TRAPPC8: variants seen among roughly 807,000 people sequenced by gnomAD.
TRAPPC8 encodes the protein trafficking protein particle complex subunit 8, also known as general sporulation gene 1 homolog.
A neutral mutation model predicts 174.3 loss-of-function variants in TRAPPC8; 54 were observed. The ratio of observed to expected loss-of-function variants is 0.31; its 90% CI spans 0.25 to 0.39. The LOEUF (loss-of-function observed/expected upper bound fraction) is 0.39. TRAPPC8 is among the 10% of genes least tolerant of loss of function. The pLI, the probability that TRAPPC8 is intolerant of heterozygous loss-of-function variation, is 1.00. For missense variants in TRAPPC8, 1,531 were observed against 1,699.1 expected, an observed-to-expected ratio of 0.90 and a Z score of 1.74; for synonymous variants, 630 against 579.9, an observed-to-expected ratio of 1.09 and a Z score of -1.24.
At chr18:31,860,097 G>A (rs375478325) in intron 19 of TRAPPC8, among the ~76,000 whole-genome samples, 16 of 151,736 alleles carry the variant, frequency 1.1e-4, no homozygotes, top group African/African-American at 3.1e-4. Flanking sequence ...GTTGATATTT[G>A]TGATAGCTTC....
At chr18:31,883,999 T>G (rs949881407) in intron 12 of TRAPPC8, among the ~76,000 whole-genome samples, 2 of 151,996 alleles carry the variant, frequency 1.3e-5, no homozygotes, top group South Asian at 4.2e-4. Context: ...GACCAGCCTG[T>G]CCAACATGGT....
At chr18:31,901,130 G>A in intron 9 of TRAPPC8, 105 bp from the exon 10 acceptor site, 1 of 860,864 alleles carries the variant, frequency 1.2e-6, no homozygotes, top group African/African-American at 1.8e-5. Context: ...TTTTTTAACT[G>A]GATACACATG....
chr18:31,871,133 T>G lies in TRAPPC8; in HGVS notation c.2063-13A>C. On this transcript the variant is annotated splice_polypyrimidine_tract_variant and intron_variant, in intron 14 of 28. Coordinates refer to ENST00000283351, the MANE Select transcript of TRAPPC8 (RefSeq NM_014939.5). ...GCTTGTTTTTCACCTAAAAAAAATT[T>G]GTTAACAACACGTTTATGAAGACTT... 6.7e-7 allele frequency: 1 copy of G among 1,502,800 alleles called. No homozygotes were observed. Among genetic ancestry groups the G allele is most frequent in the Non-Finnish European group, 9.0e-7 (1 of 1,113,830 alleles). 93.1% of individuals were successfully genotyped at this position (1,502,800 alleles called of 1,614,324 possible). A position where few individuals can be genotyped will look rare whatever the true frequency, so the allele number is the denominator to read the frequency against.
Position 31,900,944 on chromosome 18 carries a change from T to C in TRAPPC8, c.1471A>G (p.Thr491Ala). 1 of 1,595,588 alleles carries C rather than the reference T, an allele frequency of 6.3e-7. No homozygotes were observed. Among genetic ancestry groups the C allele is most frequent in the Middle Eastern group, 1.7e-4 (1 of 6,006 alleles). ...PAHYMDTAIQ[T>A]YRDICKNMVL... is the part of the protein sequence containing the mutation. Reference sequence around the variant, plus strand: ...ACCTACTTGCAGATATCTCTGTATGTCTGAATTGCTGTATCCATGTAATGA... The same window carrying C: ...ACCTACTTGCAGATATCTCTGTATGCCTGAATTGCTGTATCCATGTAATGA... Residue 491 changes from threonine to alanine, a missense_variant, in exon 10 of 29, where the codon ACA (threonine) becomes GCA (alanine). Physicochemically the swap from Thr to Ala is moderately conservative, Grantham distance 58. Coordinates refer to ENST00000283351, the MANE Select transcript of TRAPPC8 (RefSeq NM_014939.5).
intron 12 of TRAPPC8, among the ~76,000 whole-genome samples, chr18:31,886,663 T>C (rs1400712212): frequency 6.6e-6 from 1 of 152,190 alleles, no homozygotes; most frequent in African/African-American, 2.4e-5. Context: ...CTGATATTCT[T>C]AATGAAAAAT....
intron 1 of TRAPPC8, among the ~76,000 whole-genome samples, chr18:31,941,476 A>T (rs28688250): frequency 3.3e-5 from 5 of 152,154 alleles, no homozygotes; most frequent in African/African-American, 1.2e-4. Flanking sequence ...ACAAAAAAAT[A>T]AAAAACGTAG....
chr18:31,861,497 C>G (rs1453050932), intron 19 of TRAPPC8, among the ~76,000 whole-genome samples: 1 of 152,046 alleles, frequency 6.6e-6, no homozygotes, highest in Non-Finnish European at 1.5e-5. Flanking sequence ...AAAATGAAGG[C>G]CAGATAATTA....
intron 16 of TRAPPC8, 106 bp downstream of exon 16, chr18:31,870,266 A>T: frequency 9.6e-7 from 1 of 1,043,188 alleles, no homozygotes; most frequent in Non-Finnish European, 1.3e-6. Flanking sequence ...AGGAAAAATA[A>T]ACCAAAAAGA....
At position 31,910,799 on chromosome 18, in the gene TRAPPC8, T is replaced by C. The variant is rs192374498; in HGVS notation, c.772-1039A>G. On this transcript the variant is annotated intron_variant, in intron 5 of 28. Transcript: ENST00000283351. Reference sequence around the variant, plus strand: ...GCATAGATTTCTGATATTTCTGCTTTCTGCTAAAAGTTCTCATACTGCACA... The same window carrying C: ...GCATAGATTTCTGATATTTCTGCTTCCTGCTAAAAGTTCTCATACTGCACA... Among the ~76,000 whole-genome samples, 17 of 152,344 alleles carry C rather than the reference T, an allele frequency of 1.1e-4. No individual in the cohort carries two copies. In the East Asian group the frequency reaches 2.9e-3, roughly 26 times the overall value.
intron 12 of TRAPPC8, among the ~76,000 whole-genome samples, chr18:31,876,489 C>CAAAAAAAAAAAAAAAA (rs71175801): frequency 0.02 from 982 of 48,664 alleles, 184 homozygotes; most frequent in African/African-American, 0.032. Flanking sequence ...GACTCCATCT[C>CAAAAAAAAAAAAAAAA]AAAAAAAAAA....
chr18:31,897,176 A>C (rs114459680), intron 11 of TRAPPC8, among the ~76,000 whole-genome samples: 1,655 of 152,358 alleles, frequency 0.011, 30 homozygotes, highest in African/African-American at 0.038. Context: ...TGTTATTAAC[A>C]GTACTTATAA....
At chr18:31,853,795 A>C (rs1425191380) in intron 22 of TRAPPC8, 54 bp downstream of exon 22, 1 of 1,353,546 alleles carries the variant, frequency 7.4e-7, no homozygotes, top group Admixed American at 2.2e-5. Context: ...CTATTCTGGA[A>C]AACCAAGTAA....
intron 11 of TRAPPC8, among the ~76,000 whole-genome samples, chr18:31,893,723 T>C (rs1031741347): frequency 6.6e-6 from 1 of 152,210 alleles, no homozygotes; most frequent in Non-Finnish European, 1.5e-5. Flanking sequence ...TCCCTAATTA[T>C]TGTTTCTATT....
chr18:31,932,532 T>C (rs1030530322), intron 1 of TRAPPC8, among the ~76,000 whole-genome samples: 3 of 152,108 alleles, frequency 2.0e-5, no homozygotes, highest in African/African-American at 7.2e-5. Flanking sequence ...TTTCAGCCTA[T>C]ACAATTTATA....
At chr18:31,925,565 G>C (rs944588865) in intron 2 of TRAPPC8, among the ~76,000 whole-genome samples, 1 of 152,144 alleles carries the variant, frequency 6.6e-6, no homozygotes, top group Non-Finnish European at 1.5e-5. Context: ...AAAGAACAGA[G>C]AGAACAATAA....
chr18:31,850,047 G>T (rs1396944053), intron 24 of TRAPPC8, among the ~76,000 whole-genome samples: 1 of 151,858 alleles, frequency 6.6e-6, no homozygotes, highest in African/African-American at 2.4e-5. Context: ...CTACCTCCTG[G>T]GCCCAAGCAA....
At position 31,857,800 on chromosome 18, in the gene TRAPPC8, C is replaced by T. The variant is rs756705509; in HGVS notation, c.2928G>A (p.Glu976=). ...CAACAGTCTTGTAAGCACTACAATTCTCAGAAGCTGAGGGACTTAGTGGTG... is the reference window on the plus strand; with the variant it reads ...CAACAGTCTTGTAAGCACTACAATTTTCAGAAGCTGAGGGACTTAGTGGTG... ...VLTPLSPSAS[E]NCSAYKTVVT... Residue 976 remains glutamate (E), a synonymous_variant, in exon 20 of 29, where the codon GAG becomes GAA. Coordinates refer to ENST00000283351, the MANE Select transcript of TRAPPC8 (RefSeq NM_014939.5). 2 of 1,614,016 alleles carry T rather than the reference C, an allele frequency of 1.2e-6. No homozygotes were observed. Among genetic ancestry groups the T allele is most frequent in the Admixed American group, 3.3e-5 (2 of 60,000 alleles).
In TRAPPC8 at chr18:31,884,586, T is replaced by C. The variant is rs541977906; in HGVS notation, c.1728+6149A>G. On this transcript the variant is annotated intron_variant, in intron 12 of 28. Coordinates refer to ENST00000283351, the MANE Select transcript of TRAPPC8 (RefSeq NM_014939.5). ...CTCAGACAACCTCCATCCTAAAAAATGGGATTTGGTACCAAGAAAAGGCTT... is the reference window on the plus strand; with the variant it reads ...CTCAGACAACCTCCATCCTAAAAAACGGGATTTGGTACCAAGAAAAGGCTT... Among the ~76,000 whole-genome samples, 5 of 152,304 alleles carry C rather than the reference T, an allele frequency of 3.3e-5. No individual in the cohort carries two copies. The South Asian group carries it at 8.3e-4, about 25-fold the overall frequency.
intron 10 of TRAPPC8, among the ~76,000 whole-genome samples, chr18:31,898,159 T>C (rs970951851): frequency 3.9e-5 from 6 of 152,180 alleles, no homozygotes; most frequent in African/African-American, 1.2e-4. Flanking sequence ...GTAAATACTA[T>C]GTAAATCATT....
Sources: allele counts gnomAD v4.1 joint callset (sites outside exome capture counted in the v4.1 genomes callset), GRCh38; gene constraint gnomAD v4.1.1; transcripts MANE v1.5; gene names NCBI Gene and HGNC (gene_info 2026-07-23, HGNC 2026-07-21).